SULF1: variants seen among roughly 807,000 people sequenced by gnomAD.
SULF1 encodes the protein extracellular sulfatase Sulf-1.
SULF1 carries 46 observed loss-of-function variants against 110.5 expected under a neutral mutation model. The observed-to-expected ratio is 0.42, with a 90% CI of 0.33 to 0.53. The LOEUF (loss-of-function observed/expected upper bound fraction) is 0.53. Ranked by LOEUF, SULF1 falls within the 20% of genes least tolerant of loss-of-function variation. SULF1 has a pLI of 0.12. For synonymous variants in SULF1, 371 were observed against 387.1 expected (o/e 0.96, Z 0.49); for missense variants, 941 against 1,094.2 (o/e 0.86, Z 1.98).
intron 3 of SULF1, among the ~76,000 whole-genome samples, chr8:69,560,340 T>A (rs1429911445): frequency 3.6e-5 from 1 of 27,910 alleles, no homozygotes; most frequent in Admixed American, 4.7e-4. Context: ...CCTGCCAGTC[T>A]TTTTTTTTTT....
At chr8:69,600,833 G>GT (rs1286056222) in intron 9 of SULF1, 80 bp downstream of exon 9, 10 of 1,453,090 alleles carry the variant, frequency 6.9e-6, no homozygotes, top group Non-Finnish European at 9.3e-6. Flanking sequence ...ATCCTGTTTG[G>GT]TTTTTTCCCC....
At chr8:69,468,136 A>G (rs891253519) in intron 1 of SULF1, among the ~76,000 whole-genome samples, 3 of 152,194 alleles carry the variant, frequency 2.0e-5, no homozygotes, top group Non-Finnish European at 2.9e-5. Context: ...ACATTCATAT[A>G]CCTGTGGTAT....
At chr8:69,497,003 G>A (rs572013829) in intron 2 of SULF1, among the ~76,000 whole-genome samples, 187 of 152,248 alleles carry the variant, frequency 1.2e-3, no homozygotes, top group East Asian at 2.7e-3. Context: ...TCCCACATGC[G>A]TGCACCATCC....
At chr8:69,556,565 T>C (rs1815130304) in intron 3 of SULF1, among the ~76,000 whole-genome samples, 1 of 152,240 alleles carries the variant, frequency 6.6e-6, no homozygotes, top group African/African-American at 2.4e-5. Flanking sequence ...AACAAACTAC[T>C]TCTGCTGACT....
intron 5 of SULF1, among the ~76,000 whole-genome samples, chr8:69,574,637 T>C (rs1396770129): frequency 2.6e-5 from 4 of 152,226 alleles, no homozygotes; most frequent in African/African-American, 9.6e-5. Context: ...TCCCATTTCT[T>C]TTGTTTATGC....
intron 1 of SULF1, among the ~76,000 whole-genome samples, chr8:69,478,972 T>C (rs1809410697): frequency 6.6e-6 from 1 of 152,176 alleles, no homozygotes; most frequent in South Asian, 2.1e-4. Context: ...AGCAGCACAT[T>C]CACAACTACC....
intron 13 of SULF1, among the ~76,000 whole-genome samples, chr8:69,618,860 C>G (rs1413028548): frequency 6.6e-6 from 1 of 152,174 alleles, no homozygotes; most frequent in African/African-American, 2.4e-5. Context: ...CAAACCATGG[C>G]TCTGCATCTT....
In SULF1 at chr8:69,625,595, C is replaced by T. The variant is rs556929652; in HGVS notation, c.1850+1398C>T. 4.6e-5 allele frequency among the ~76,000 whole-genome samples: 7 copies of T among 152,328 alleles called. 1 individual carries two copies. In the South Asian group the frequency reaches 1.2e-3, roughly 27 times the overall value. ...GCAGACCTTCGCGTGAGTGTTACAGCTCTTAAGGCAGCGCGTCTGGAGTTG... is the reference window on the plus strand; with the variant it reads ...GCAGACCTTCGCGTGAGTGTTACAGTTCTTAAGGCAGCGCGTCTGGAGTTG... On this transcript the variant is annotated intron_variant, in intron 15 of 22. Coordinates refer to ENST00000402687, the MANE Select transcript of SULF1 (RefSeq NM_001128205.2).
chr8:69,530,638 G>T (rs16936012), intron 3 of SULF1, among the ~76,000 whole-genome samples: 11,600 of 152,138 alleles, frequency 0.076, 917 homozygotes, highest in East Asian at 0.41. Flanking sequence ...TTCCTCTACC[G>T]TAGTAACCAG....
At chr8:69,543,086 T>G (rs1813971828) in intron 3 of SULF1, among the ~76,000 whole-genome samples, 1 of 152,180 alleles carries the variant, frequency 6.6e-6, no homozygotes, top group African/African-American at 2.4e-5. Flanking sequence ...TTAGCAACCA[T>G]CCAATTAATG....
At position 69,600,516 on chromosome 8, in the gene SULF1, C is replaced by G. The variant is rs2130385048; in HGVS notation, c.735-87C>G. ...TTTAGCAGTGTCTCAATTATCTCTC[C>G]TTAATGATTATTTCACAACCTCGAG... is the stretch of plus-strand genomic sequence containing the variant. On this transcript the variant is annotated intron_variant, in intron 8 of 22. Coordinates refer to ENST00000402687, the MANE Select transcript of SULF1 (RefSeq NM_001128205.2). The G allele has an allele frequency of 3.1e-6, 4 of 1,308,572 alleles. No individual in the cohort carries two copies. In the East Asian group the frequency reaches 9.4e-5, roughly 31 times the overall value. 81.1% of individuals were successfully genotyped at this position (1,308,572 alleles called of 1,614,324 possible).
chr8:69,497,270 G>A (rs895688746), intron 2 of SULF1, among the ~76,000 whole-genome samples: 54 of 148,028 alleles, frequency 3.6e-4, no homozygotes, highest in African/African-American at 1.3e-3. Flanking sequence ...CAATTCTCCT[G>A]CCTCAGCCTC....
chr8:69,509,214 G>A (rs1421120804), intron 3 of SULF1, among the ~76,000 whole-genome samples: 1 of 152,106 alleles, frequency 6.6e-6, no homozygotes, highest in Non-Finnish European at 1.5e-5. Flanking sequence ...TCATAACTGT[G>A]CTATTTCCAT....
intron 19 of SULF1, among the ~76,000 whole-genome samples, chr8:69,636,406 G>C (rs551092242): frequency 1.1e-4 from 17 of 152,012 alleles, no homozygotes; most frequent in Non-Finnish European, 2.2e-4. Context: ...GGGTGGTGGC[G>C]GGCGCCTGTA....
rs149281862 is a variant in SULF1 at position 69,574,739 on chromosome 8, G to T, written c.173-1231G>T. Among the ~76,000 whole-genome samples the T allele has an allele frequency of 1.4e-3, 220 of 152,276 alleles. 1 individual carries two copies. Among genetic ancestry groups the T allele is most frequent in the Middle Eastern group, 6.8e-3 (2 of 294 alleles). On this transcript the variant is annotated intron_variant, in intron 5 of 22. Coordinates refer to ENST00000402687, the MANE Select transcript of SULF1 (RefSeq NM_001128205.2). ...GACATGTTATTCATTGACTACAAAA[G>T]GTTGCTTGATGCCCTGAAGACAACC...
At chr8:69,560,796 T>C (rs562017136) in intron 3 of SULF1, among the ~76,000 whole-genome samples, 1 of 152,338 alleles carries the variant, frequency 6.6e-6, no homozygotes, top group African/African-American at 2.4e-5. Flanking sequence ...TAAAAGGTCA[T>C]TTTTGAATAA....
intron 14 of SULF1, among the ~76,000 whole-genome samples, chr8:69,622,593 A>G (rs1809701396): frequency 6.6e-6 from 1 of 152,128 alleles, no homozygotes; most frequent in Non-Finnish European, 1.5e-5. Flanking sequence ...TCAAAAAAAA[A>G]AAAAATTAAT....
chr8:69,625,415 C>T (rs1316375563), intron 15 of SULF1, among the ~76,000 whole-genome samples: 1 of 152,210 alleles, frequency 6.6e-6, no homozygotes, highest in African/African-American at 2.4e-5. Flanking sequence ...GGTTCTTGGT[C>T]TCACTGACTT....
chr8:69,629,581 A>C lies in SULF1; in HGVS notation c.2186A>C (p.Glu729Ala). The C allele has an allele frequency of 3.7e-6, 6 of 1,614,098 alleles. No individual in the cohort carries two copies. The highest frequency in any genetic ancestry group is 5.1e-6 in the Non-Finnish European group (6 of 1,179,982). The change falls in exon 19 of 23, where the codon GAG (glutamate) becomes GCG (alanine). Residue 729 changes from glutamate (E) to alanine (A), a missense_variant. Around this residue, in one of 3 missense-constraint regions of SULF1, gnomAD observed 822 missense variants for 934.3 expected, o/e 0.88. Transcript: ENST00000402687. ...CGTAGGAGGAAGAAGGAGAGGAAGG[A>C]GAAGAGACGGCAGAGGAAGGGGGAA... is the stretch of plus-strand genomic sequence containing the variant. ...NNRRRKKERK[E>A]KRRQRKGEEC...
Sources: allele counts gnomAD v4.1 joint callset (sites outside exome capture counted in the v4.1 genomes callset), GRCh38; gene constraint gnomAD v4.1.1; regional missense constraint gnomAD v4.1.1; transcripts MANE v1.5; gene names NCBI Gene and HGNC (gene_info 2026-07-23, HGNC 2026-07-21).